Variants in LSAMP observed in about 807,000 individuals in gnomAD.
The protein encoded by LSAMP is limbic system-associated membrane protein.
Under a neutral mutation model 38.6 loss-of-function variants are expected in LSAMP, and 7 were observed. The ratio of observed to expected loss-of-function variants is 0.18; its 90% CI spans 0.10 to 0.34. LSAMP has a LOEUF of 0.34. Among genes scored for constraint, LSAMP ranks in the 10% least tolerant of loss-of-function variants. The pLI is 1.00. For synonymous variants in LSAMP, 154 were observed against 166.8 expected (o/e 0.92, Z 0.59); for missense variants, 313 against 420.0 (o/e 0.75, Z 2.23).
chr3:116,311,992 T>C (rs2107717908), intron 1 of LSAMP, among the ~76,000 whole-genome samples: 1 of 152,320 alleles, frequency 6.6e-6, no homozygotes, highest in South Asian at 2.1e-4. Flanking sequence ...AATTTAATTT[T>C]CATCTCTGGT....
chr3:116,057,932 T>TACACACACACAC (rs535645480), intron 2 of LSAMP, among the ~76,000 whole-genome samples: 1 of 136,660 alleles, frequency 7.3e-6, no homozygotes, highest in African/African-American at 2.8e-5. Context: ...ATATAGTAGC[T>TACACACACACAC]ACACACACAC....
At chr3:116,266,659 A>G (rs867953830) in intron 1 of LSAMP, among the ~76,000 whole-genome samples, 29 of 152,308 alleles carry the variant, frequency 1.9e-4, no homozygotes, top group Middle Eastern at 3.4e-3. Context: ...TTAGTTTAGA[A>G]GTCACCAAAG....
chr3:116,094,004 T>A (rs1708175012), intron 1 of LSAMP, among the ~76,000 whole-genome samples: 1 of 152,188 alleles, frequency 6.6e-6, no homozygotes, highest in African/African-American at 2.4e-5. Context: ...GAATAAAGCA[T>A]GAAAATATCC....
At chr3:115,951,595 G>A (rs1938290513) in intron 3 of LSAMP, among the ~76,000 whole-genome samples, 1 of 152,122 alleles carries the variant, frequency 6.6e-6, no homozygotes, top group African/African-American at 2.4e-5. Flanking sequence ...CCTCAATCTG[G>A]GTGGCCACAA....
chr3:116,324,957 T>A lies in LSAMP; in HGVS notation c.155+119920A>T, dbSNP rs370521468. The stretch of plus-strand genomic sequence containing the variant: ...TGCCGTCCTTCATAGTCTTTCACAC[T>A]AGCAAAGTGTTGATACACATATCTA... On this transcript the variant is annotated intron_variant, in intron 1 of 6. Coordinates refer to ENST00000490035, the MANE Select transcript of LSAMP (RefSeq NM_002338.5). Among the ~76,000 whole-genome samples, 5 of 152,068 alleles carry A rather than the reference T, an allele frequency of 3.3e-5. No homozygotes were observed. In the East Asian group the frequency reaches 9.7e-4, roughly 29 times the overall value.
chr3:116,007,835 A>G (rs1217778664), intron 3 of LSAMP, among the ~76,000 whole-genome samples: 1 of 152,178 alleles, frequency 6.6e-6, no homozygotes, highest in Non-Finnish European at 1.5e-5. Context: ...TTTACTTTGC[A>G]TCAGAATCAC....
At chr3:115,838,283 C>A (rs944257482) in intron 6 of LSAMP, 1 of 152,236 alleles carries the variant, frequency 6.6e-6, no homozygotes, top group African/African-American at 2.4e-5. Flanking sequence ...CACCCATCAC[C>A]CTTTCTTCCT....
In LSAMP at chr3:116,009,608, A is replaced by C. The variant is rs1940265508; in HGVS notation, c.514+9907T>G. Among the ~76,000 whole-genome samples, 8 of 152,274 alleles carry C rather than the reference A, an allele frequency of 5.3e-5. No individual in the cohort carries two copies. The South Asian group carries it at 1.7e-3, about 32-fold the overall frequency. On this transcript the variant is annotated intron_variant, in intron 3 of 6. Coordinates refer to ENST00000490035, the MANE Select transcript of LSAMP (RefSeq NM_002338.5). ...ATTCCGATGATCAGCCAAATTTGTAAATCCAGCGGCCATCTAATATTGGCC... is the reference window on the plus strand; with the variant it reads ...ATTCCGATGATCAGCCAAATTTGTACATCCAGCGGCCATCTAATATTGGCC...
chr3:115,909,086 T>C (rs1937078423), intron 3 of LSAMP, among the ~76,000 whole-genome samples: 1 of 152,216 alleles, frequency 6.6e-6, no homozygotes, highest in South Asian at 2.1e-4. Context: ...CTGCCTTCCC[T>C]GTCCTAATGC....
At chr3:116,207,121 GC>G (rs1408518351) in intron 1 of LSAMP, among the ~76,000 whole-genome samples, 1 of 152,054 alleles carries the variant, frequency 6.6e-6, no homozygotes. Context: ...AGAATAGTTA[GC>G]TCTTCTTGTT....
chr3:116,209,327 A>G (rs1411087939), intron 1 of LSAMP, among the ~76,000 whole-genome samples: 3 of 152,172 alleles, frequency 2.0e-5, no homozygotes, highest in African/African-American at 7.2e-5. Flanking sequence ...TGAACCCAGT[A>G]CCTCAGATGG....
intron 1 of LSAMP, among the ~76,000 whole-genome samples, chr3:116,185,597 A>C (rs910806526): frequency 7.9e-5 from 12 of 152,062 alleles, no homozygotes; most frequent in African/African-American, 2.9e-4. Flanking sequence ...TAGATTTTGC[A>C]GGCTACACTC....
At chr3:115,994,480 T>A (rs974600210) in intron 3 of LSAMP, among the ~76,000 whole-genome samples, 2 of 152,122 alleles carry the variant, frequency 1.3e-5, no homozygotes, top group African/African-American at 4.8e-5. Context: ...ATCTTTGTGA[T>A]CCTTTCATGA....
chr3:116,300,235 G>A (rs1212996175), intron 1 of LSAMP, among the ~76,000 whole-genome samples: 1 of 152,214 alleles, frequency 6.6e-6, no homozygotes, highest in African/African-American at 2.4e-5. Context: ...AAAGCATGCT[G>A]GCTGTGCAGC....
At chr3:116,433,481 A>G (rs1015654618) in intron 1 of LSAMP, among the ~76,000 whole-genome samples, 7 of 152,068 alleles carry the variant, frequency 4.6e-5, no homozygotes, top group Non-Finnish European at 7.4e-5. Context: ...GGAAAGATAT[A>G]CAGAAGGAAA....
At chr3:116,172,009 C>T (rs1169511571) in intron 1 of LSAMP, among the ~76,000 whole-genome samples, 1 of 151,884 alleles carries the variant, frequency 6.6e-6, no homozygotes, top group Admixed American at 6.6e-5. Flanking sequence ...TTTTAGTGCA[C>T]AATTTTATTG....
intron 1 of LSAMP, among the ~76,000 whole-genome samples, chr3:116,296,711 A>G (rs956970477): frequency 7.3e-5 from 11 of 150,898 alleles, no homozygotes; most frequent in Non-Finnish European, 1.5e-4. Context: ...AAAAAAAAAA[A>G]AAAAAAAAAA....
chr3:116,254,822 TA>T (rs1421433440), intron 1 of LSAMP, among the ~76,000 whole-genome samples: 8 of 152,236 alleles, frequency 5.3e-5, no homozygotes, highest in South Asian at 2.1e-4. Flanking sequence ...CCTCCCTGGA[TA>T]AAAACTCATG....
At chr3:116,004,885 T>C (rs1940112453) in intron 3 of LSAMP, among the ~76,000 whole-genome samples, 1 of 152,126 alleles carries the variant, frequency 6.6e-6, no homozygotes, top group Admixed American at 6.6e-5. Flanking sequence ...TGAAAATTCA[T>C]AGAATCACAC....
Sources: gnomAD v4.1 joint callset for allele counts (sites outside exome capture counted in the v4.1 genomes callset) on GRCh38, gnomAD v4.1.1 for gene constraint, MANE v1.5 for transcripts, NCBI Gene and HGNC (gene_info 2026-07-23, HGNC 2026-07-21) for gene names.